CCDC60: variants seen among roughly 807,000 people sequenced by gnomAD.
CCDC60 encodes coiled-coil domain-containing protein 60.
A neutral mutation model predicts 63.5 loss-of-function variants in CCDC60; 54 were observed. That is an observed-to-expected ratio of 0.85 (90% confidence interval 0.68 to 1.07). The LOEUF (loss-of-function observed/expected upper bound fraction) is 1.07, where lower values mean the gene tolerates loss of function less well. Among genes scored for constraint, CCDC60 ranks in the 50% least tolerant of loss-of-function variants. CCDC60 has a pLI of 0.00. For missense variants in CCDC60, 651 were observed against 684.3 expected (o/e 0.95, Z 0.54); for synonymous variants, 206 against 238.8 (o/e 0.86, Z 1.27).
intron 5 of CCDC60, among the ~76,000 whole-genome samples, chr12:119,494,414 T>C (rs1186750719): frequency 6.6e-6 from 1 of 152,204 alleles, no homozygotes; most frequent in Non-Finnish European, 1.5e-5. Context: ...TGCTTTCCCC[T>C]GGTGCCACAG....
intron 2 of CCDC60, among the ~76,000 whole-genome samples, chr12:119,466,144 T>G (rs1950950089): frequency 1.3e-5 from 2 of 152,170 alleles, no homozygotes; most frequent in Admixed American, 1.3e-4. Context: ...AACATCACCT[T>G]CTGAGTGAGG....
intron 1 of CCDC60, among the ~76,000 whole-genome samples, chr12:119,383,326 C>T (rs942318064): frequency 1.3e-5 from 2 of 152,222 alleles, no homozygotes; most frequent in Admixed American, 6.5e-5. Flanking sequence ...GAAGTCTTCT[C>T]GCCCCACCCA....
intron 2 of CCDC60, among the ~76,000 whole-genome samples, chr12:119,435,366 G>A (rs929310903): frequency 6.6e-5 from 10 of 152,194 alleles, no homozygotes; most frequent in Non-Finnish European, 1.3e-4. Flanking sequence ...TTAATCAAGA[G>A]ATAAGATAGC....
At chr12:119,361,784 T>G (rs1467515131) in intron 1 of CCDC60, among the ~76,000 whole-genome samples, 4 of 152,216 alleles carry the variant, frequency 2.6e-5, no homozygotes, top group African/African-American at 9.6e-5. Context: ...GCCCAAAATG[T>G]GCACCAATAA....
Position 119,361,190 on chromosome 12 carries a change from G to A in CCDC60, c.90+25924G>A, listed in dbSNP as rs936702419. ...ATGGGGAGAGGGAGAGGGAGAGGGA[G>A]AGGGAGACGAGAGGGAGAGGGAGAG... On this transcript the variant is annotated intron_variant, in intron 1 of 13. Transcript: ENST00000327554. 1.8e-4 allele frequency among the ~76,000 whole-genome samples: 22 copies of A among 123,228 alleles called. 1 individual carries two copies. Among genetic ancestry groups the A allele is most frequent in the African/African-American group, 6.8e-4 (22 of 32,276 alleles). The allele number at this position is 123,228 out of a possible 152,430, so 80.8% of individuals were successfully genotyped here.
chr12:119,448,296 A>G, intron 2 of CCDC60, among the ~76,000 whole-genome samples: 1 of 152,236 alleles, frequency 6.6e-6, no homozygotes, highest in East Asian at 1.9e-4. Context: ...AAATATAAAC[A>G]AATTTATTTT....
chr12:119,415,444 A>G (rs950085686), intron 1 of CCDC60, among the ~76,000 whole-genome samples: 1 of 152,250 alleles, frequency 6.6e-6, no homozygotes, highest in African/African-American at 2.4e-5. Context: ...CAGGAGCTAG[A>G]TCACAGAGCT....
intron 1 of CCDC60, among the ~76,000 whole-genome samples, chr12:119,406,701 G>A (rs976892877): frequency 2.0e-5 from 3 of 148,946 alleles, no homozygotes; most frequent in African/African-American, 7.4e-5. Context: ...AAAAAAAAAG[G>A]TTTTAAATTG....
intron 2 of CCDC60, among the ~76,000 whole-genome samples, chr12:119,438,766 A>G (rs953693): frequency 0.26 from 39,497 of 152,102 alleles, 5,287 homozygotes; most frequent in African/African-American, 0.32. Flanking sequence ...GAGAGACTCA[A>G]CCAGACTCCT....
intron 1 of CCDC60, among the ~76,000 whole-genome samples, chr12:119,414,758 C>T (rs1022929035): frequency 1.2e-4 from 19 of 152,030 alleles, no homozygotes; most frequent in South Asian, 2.1e-4. Context: ...CACTATGTTG[C>T]CCAGGCTGGT....
At position 119,351,317 on chromosome 12, in the gene CCDC60, A is replaced by G. The variant is rs577408020; in HGVS notation, c.90+16051A>G. Among the ~76,000 whole-genome samples the G allele has an allele frequency of 5.3e-5, 8 of 152,298 alleles. No homozygotes were observed. In the East Asian group the frequency reaches 1.5e-3, roughly 29 times the overall value. On this transcript the variant is annotated intron_variant, in intron 1 of 13. Transcript: ENST00000327554. ...CTTCAGGGTGGTCTTTCTCACTTTC[A>G]CTTGGTGTCTGATGCCTATCTTGAG...
intron 11 of CCDC60, among the ~76,000 whole-genome samples, chr12:119,528,351 T>C (rs1196289241): frequency 6.6e-6 from 1 of 152,072 alleles, no homozygotes; most frequent in South Asian, 2.1e-4. Context: ...TGAAAAGCTA[T>C]GTAAATACAA....
chr12:119,452,814 G>GT (rs78696291), intron 2 of CCDC60, among the ~76,000 whole-genome samples: 3,953 of 144,480 alleles, frequency 0.027, 77 homozygotes, highest in Admixed American at 0.036. Flanking sequence ...AATTTGGCTT[G>GT]TTTTTTTTTT....
intron 2 of CCDC60, among the ~76,000 whole-genome samples, chr12:119,440,876 ACT>A (rs1010845042): frequency 5.3e-5 from 8 of 152,110 alleles, no homozygotes; most frequent in African/African-American, 1.9e-4. Context: ...AATGCAAAGC[ACT>A]CTCTCTCCCA....
At chr12:119,452,471 C>G (rs924729176) in intron 2 of CCDC60, among the ~76,000 whole-genome samples, 8 of 152,182 alleles carry the variant, frequency 5.3e-5, no homozygotes, top group African/African-American at 1.9e-4. Context: ...TCTGCTCCAC[C>G]CAGACTGGGT....
At chr12:119,380,642 A>C (rs2136185116) in intron 1 of CCDC60, among the ~76,000 whole-genome samples, 1 of 152,310 alleles carries the variant, frequency 6.6e-6, no homozygotes, top group Non-Finnish European at 1.5e-5. Context: ...CGCATAGCAG[A>C]AAAGGTACTT....
chr12:119,427,114 A>G (rs1271476660), intron 1 of CCDC60, among the ~76,000 whole-genome samples: 2 of 148,904 alleles, frequency 1.3e-5, no homozygotes, highest in Admixed American at 1.3e-4. Context: ...TACTTTTTAA[A>G]TCTTTTCTCT....
chr12:119,346,498 A>G (rs1048970730), intron 1 of CCDC60, among the ~76,000 whole-genome samples: 1 of 152,232 alleles, frequency 6.6e-6, no homozygotes. Context: ...GGTAGGTTGC[A>G]GTAAGAAGGG....
At chr12:119,362,794 A>G (rs535901792) in intron 1 of CCDC60, among the ~76,000 whole-genome samples, 1 of 152,314 alleles carries the variant, frequency 6.6e-6, no homozygotes, top group East Asian at 1.9e-4. Flanking sequence ...TAGAATAGGA[A>G]TATTTTTAGT....
Sources: gnomAD v4.1 joint callset for allele counts (sites outside exome capture counted in the v4.1 genomes callset) on GRCh38, gnomAD v4.1.1 for gene constraint, MANE v1.5 for transcripts, NCBI Gene and HGNC (gene_info 2026-07-23, HGNC 2026-07-21) for gene names.